Variants in IGF2BP1 observed in about 807,000 individuals in gnomAD.
IGF2BP1 encodes insulin like growth factor 2 mRNA binding protein 1.
In IGF2BP1, 11 loss-of-function variants were observed where a neutral mutation model predicts 74.9. The observed-to-expected ratio is 0.15, with a 90% CI of 0.09 to 0.24. The LOEUF (loss-of-function observed/expected upper bound fraction) is 0.24, where lower values mean the gene tolerates loss of function less well. Among genes scored for constraint, IGF2BP1 ranks in the 10% least tolerant of loss-of-function variants. The pLI is 1.00. For missense variants in IGF2BP1, 440 were observed against 757.4 expected (o/e 0.58, Z 4.92); for synonymous variants, 287 against 281.8 (o/e 1.02, Z -0.18).
At chr17:49,010,076 G>A (rs557187649) in intron 2 of IGF2BP1, among the ~76,000 whole-genome samples, 1 of 152,184 alleles carries the variant, frequency 6.6e-6, no homozygotes, top group South Asian at 2.1e-4. Context: ...AGCAAAACTC[G>A]ATTTCAAACA....
chr17:49,038,667 T>C (rs2042014987), intron 6 of IGF2BP1, among the ~76,000 whole-genome samples: 1 of 151,996 alleles, frequency 6.6e-6, no homozygotes, highest in African/African-American at 2.4e-5. Flanking sequence ...CACACACTCG[T>C]ATTAGCAAGA....
intron 5 of IGF2BP1, among the ~76,000 whole-genome samples, chr17:49,033,560 C>T (rs2041948640): frequency 1.3e-5 from 2 of 152,016 alleles, no homozygotes; most frequent in Non-Finnish European, 2.9e-5. Context: ...CCAGGATGGT[C>T]TCGAACTCCT....
chr17:49,038,313 G>A lies in IGF2BP1; in HGVS notation c.547G>A (p.Val183Met). ...SRGQPRQGSPVAAGAPAKQQQ... is the reference protein window; with the variant it reads ...SRGQPRQGSPMAAGAPAKQQQ... Reference sequence around the variant, plus strand: ...GGGTCAGCCCCGCCAGGGCTCACCTGTGGCAGCGGGGGCCCCAGCCAAGCA... The same window carrying A: ...GGGTCAGCCCCGCCAGGGCTCACCTATGGCAGCGGGGGCCCCAGCCAAGCA... Residue 183 changes from valine (V) to methionine (M), a missense_variant, in exon 6 of 15, where the codon GTG becomes ATG. This residue lies in a region of IGF2BP1 where 184 missense variants were observed against 273.4 expected (regional missense o/e 0.67). Coordinates refer to ENST00000290341, the MANE Select transcript of IGF2BP1 (RefSeq NM_006546.4). 6.2e-7 allele frequency: 1 copy of A among 1,606,162 alleles called. No individual in the cohort carries two copies. The highest frequency in any genetic ancestry group is 8.5e-7 in the Non-Finnish European group (1 of 1,176,608).
chr17:49,020,790 G>T (rs185483775), intron 2 of IGF2BP1, among the ~76,000 whole-genome samples: 26 of 152,178 alleles, frequency 1.7e-4, no homozygotes, highest in Middle Eastern at 3.4e-3. Flanking sequence ...GTTGAAAAGT[G>T]ATTATTTGGC....
Position 49,005,725 on chromosome 17 carries a change from AT to A in IGF2BP1, c.236+6568del, listed in dbSNP as rs562151900. 1.9e-3 allele frequency among the ~76,000 whole-genome samples: 288 copies of A among 147,954 alleles called. 7 individuals carry two copies. In the South Asian group the frequency reaches 0.045, roughly 23 times the overall value. ...AAAAGAAGGTTAAGGAGAACTTCAA[AT>A]TTTTTTTTTTTCATTTTGAGTTAAT... On this transcript the variant is annotated intron_variant, in intron 2 of 14. Transcript: ENST00000290341.
At chr17:49,010,532 G>T (rs2143958365) in intron 2 of IGF2BP1, among the ~76,000 whole-genome samples, 1 of 151,982 alleles carries the variant, frequency 6.6e-6, no homozygotes, top group South Asian at 2.1e-4. Context: ...CAGCCAGGAT[G>T]GTCACGATCT....
intron 5 of IGF2BP1, chr17:49,037,292 A>G (rs1251458152): frequency 2.8e-5 from 13 of 468,246 alleles, no homozygotes; most frequent in East Asian, 5.3e-5. Flanking sequence ...AAAATTCTCT[A>G]TTGAAAGGAC....
chr17:49,025,768 C>T, intron 3 of IGF2BP1, 102 bp downstream of exon 3: 2 of 1,031,288 alleles, frequency 1.9e-6, no homozygotes, highest in Non-Finnish European at 3.0e-6. Context: ...AGGTCTGGGG[C>T]CAGGCTAGGG....
At position 49,050,550 on chromosome 17, in the gene IGF2BP1, G is replaced by C. The variant is rs1328302234; in HGVS notation, c.*1106G>C. The C allele has an allele frequency of 1.3e-5, 2 of 152,174 alleles. No individual in the cohort carries two copies. The highest frequency in any genetic ancestry group is 2.9e-5 in the Non-Finnish European group (2 of 68,038). 9.4% of individuals were successfully genotyped at this position (152,174 alleles called of 1,614,324 possible). On this transcript the variant is annotated 3_prime_UTR_variant, in exon 15 of 15. Coordinates refer to ENST00000290341, the MANE Select transcript of IGF2BP1 (RefSeq NM_006546.4). ...CAGCCACGGCACTGTTACCTTGGTGGTGGGACTTGGAACCCAACCCTGAGC... is the reference window on the plus strand; with the variant it reads ...CAGCCACGGCACTGTTACCTTGGTGCTGGGACTTGGAACCCAACCCTGAGC...
At chr17:49,029,820 T>C (rs530460475) in intron 4 of IGF2BP1, among the ~76,000 whole-genome samples, 1 of 151,722 alleles carries the variant, frequency 6.6e-6, no homozygotes, top group Non-Finnish European at 1.5e-5. Context: ...TTTAATTTTT[T>C]GTAGAGACGG....
intron 2 of IGF2BP1, among the ~76,000 whole-genome samples, chr17:49,007,032 T>G (rs952327337): frequency 6.6e-6 from 1 of 152,172 alleles, no homozygotes; most frequent in Non-Finnish European, 1.5e-5. Context: ...AAGGTGTACA[T>G]GTAGAGTAGG....
At chr17:49,030,141 CTTTTTTTTT>C (rs35530909) in intron 4 of IGF2BP1, among the ~76,000 whole-genome samples, 1 of 120,796 alleles carries the variant, frequency 8.3e-6, no homozygotes, top group Non-Finnish European at 1.7e-5. Flanking sequence ...TTTAGCTGGA[CTTTTTTTTT>C]TTTTTTTTTG....
At chr17:49,044,751 A>G (rs185098737) in intron 11 of IGF2BP1, among the ~76,000 whole-genome samples, 1 of 152,396 alleles carries the variant, frequency 6.6e-6, no homozygotes, top group Admixed American at 6.5e-5. Context: ...TGGAGGGGGC[A>G]GGAGGCCCTA....
chr17:49,022,257 T>G (rs539087362), intron 2 of IGF2BP1, among the ~76,000 whole-genome samples: 5 of 152,290 alleles, frequency 3.3e-5, no homozygotes, highest in Admixed American at 6.5e-5. Context: ...TGAATGAGAC[T>G]GGGACCAAGG....
Position 49,052,219 on chromosome 17 carries a change from C to T in IGF2BP1, c.*2775C>T, listed in dbSNP as rs1251790272. On this transcript the variant is annotated 3_prime_UTR_variant, in exon 15 of 15. Transcript: ENST00000290341. Reference sequence around the variant, plus strand: ...TGTCCCAACCATAAAAAGGGTCTCCCAGCTTTCCATCTCTGGCTCTATATG... The same window carrying T: ...TGTCCCAACCATAAAAAGGGTCTCCTAGCTTTCCATCTCTGGCTCTATATG... The T allele has an allele frequency of 6.6e-6, 1 of 152,164 alleles. No individual in the cohort carries two copies. Among genetic ancestry groups the T allele is most frequent in the Non-Finnish European group, 1.5e-5 (1 of 68,036 alleles). 9.4% of individuals were successfully genotyped at this position (152,164 alleles called of 1,614,324 possible). A position where few individuals can be genotyped will look rare whatever the true frequency, so the allele number is the denominator to read the frequency against.
In IGF2BP1 at chr17:48,999,023, A is replaced by AT. The variant is rs577437565; in HGVS notation, c.176-84dup. 7.1e-5 allele frequency: 57 copies of AT among 802,506 alleles called. No homozygotes were observed. The African/African-American group carries it at 9.4e-4, about 13-fold the overall frequency. 49.7% of individuals were successfully genotyped at this position (802,506 alleles called of 1,614,324 possible). ...GATCTCGAATCCCAGTAACTCCTGA[A>AT]TTATCCTAGTGTCTTTTCCCCTTCC... On this transcript the variant is annotated intron_variant, in intron 1 of 14. Coordinates refer to ENST00000290341, the MANE Select transcript of IGF2BP1 (RefSeq NM_006546.4).
intron 5 of IGF2BP1, chr17:49,037,259 T>C: frequency 2.2e-6 from 1 of 445,870 alleles, no homozygotes; most frequent in South Asian, 2.2e-5. Context: ...CTGGAACCCT[T>C]ACGGTAGGAA....
At chr17:49,046,450 G>A in intron 14 of IGF2BP1, 77 bp downstream of exon 14, 3 of 1,081,846 alleles carry the variant, frequency 2.8e-6, no homozygotes, top group South Asian at 1.3e-5. Context: ...TATAGAGGTT[G>A]ACCTTCATGA....
intron 14 of IGF2BP1, 126 bp from the exon 15 acceptor site, chr17:49,049,226 C>T (rs552883457): frequency 2.8e-6 from 2 of 703,850 alleles, no homozygotes; most frequent in Non-Finnish European, 4.8e-6. Flanking sequence ...TCCTCTTTAT[C>T]TTTCTTCTGA....
Sources: allele counts gnomAD v4.1 joint callset (sites outside exome capture counted in the v4.1 genomes callset), GRCh38; gene constraint gnomAD v4.1.1; regional missense constraint gnomAD v4.1.1; transcripts MANE v1.5; gene names NCBI Gene and HGNC (gene_info 2026-07-23, HGNC 2026-07-21).